AATF: variants seen among roughly 807,000 people sequenced by gnomAD.
The protein encoded by AATF is protein AATF.
A neutral mutation model predicts 63.7 loss-of-function variants in AATF; 48 were observed. The observed-to-expected ratio is 0.75, with a 90% CI of 0.60 to 0.96. The LOEUF (loss-of-function observed/expected upper bound fraction) is 0.96. Among genes scored for constraint, AATF ranks in the 40% least tolerant of loss-of-function variants. The pLI, the probability that AATF is intolerant of heterozygous loss-of-function variation, is 0.00. For synonymous variants in AATF, 258 were observed against 247.7 expected, an observed-to-expected ratio of 1.04 and a Z score of -0.39; for missense variants, 639 against 685.7, an observed-to-expected ratio of 0.93 and a Z score of 0.76.
intron 11 of AATF, among the ~76,000 whole-genome samples, chr17:37,047,908 G>A (rs1004130904): frequency 2.0e-5 from 3 of 152,234 alleles, no homozygotes; most frequent in Admixed American, 6.5e-5. Flanking sequence ...TGTCGGATTG[G>A]ACATGATTTG....
At chr17:36,951,890 A>T (rs542898701) in intron 2 of AATF, among the ~76,000 whole-genome samples, 1 of 152,350 alleles carries the variant, frequency 6.6e-6, no homozygotes, top group South Asian at 2.1e-4. Flanking sequence ...TATTGAAGAA[A>T]GTTTTTGGAA....
chr17:36,979,612 G>C (rs144181332), intron 4 of AATF, among the ~76,000 whole-genome samples: 4 of 152,220 alleles, frequency 2.6e-5, no homozygotes, highest in African/African-American at 4.8e-5. Context: ...GAGTTTATGT[G>C]TACTTGTACA....
At chr17:36,953,374 C>A in intron 3 of AATF, 78 bp downstream of exon 3, 2 of 1,551,946 alleles carry the variant, frequency 1.3e-6, no homozygotes, top group Non-Finnish European at 1.7e-6. Flanking sequence ...TTGTTTTTGG[C>A]TATTCTCTAT....
chr17:36,967,818 T>C (rs1205680998), intron 4 of AATF, among the ~76,000 whole-genome samples: 1 of 152,086 alleles, frequency 6.6e-6, no homozygotes, highest in Non-Finnish European at 1.5e-5. Context: ...GCTTCTAAAG[T>C]TGCAATTGGT....
intron 8 of AATF, among the ~76,000 whole-genome samples, chr17:37,017,938 A>C (rs1019369668): frequency 6.6e-6 from 1 of 152,218 alleles, no homozygotes; most frequent in Non-Finnish European, 1.5e-5. Context: ...TTGATGAAAT[A>C]TCTCTATTGC....
chr17:36,963,229 G>T (rs2070963051), intron 4 of AATF, among the ~76,000 whole-genome samples: 1 of 152,192 alleles, frequency 6.6e-6, no homozygotes, highest in South Asian at 2.1e-4. Flanking sequence ...ATGGCAGGTG[G>T]ATTCTTTTAT....
intron 8 of AATF, among the ~76,000 whole-genome samples, chr17:36,999,436 T>C (rs2071277999): frequency 1.3e-5 from 2 of 152,196 alleles, no homozygotes; most frequent in Non-Finnish European, 2.9e-5. Flanking sequence ...ATGGTTCAGC[T>C]CCTCAGTCAC....
At chr17:37,020,274 A>G (rs2071459125) in intron 9 of AATF, among the ~76,000 whole-genome samples, 1 of 152,156 alleles carries the variant, frequency 6.6e-6, no homozygotes, top group Non-Finnish European at 1.5e-5. Flanking sequence ...AATATTTGAT[A>G]ATAAAGAATT....
At chr17:36,952,862 C>G in intron 2 of AATF, 24 bp from the exon 3 acceptor site, 1 of 1,596,452 alleles carries the variant, frequency 6.3e-7, no homozygotes, top group Non-Finnish European at 8.5e-7. Flanking sequence ...CCATTTTTCT[C>G]TTTCTTCCCT....
intron 4 of AATF, among the ~76,000 whole-genome samples, chr17:36,984,600 A>G (rs2071152429): frequency 6.6e-6 from 1 of 152,176 alleles, no homozygotes. Flanking sequence ...CTAATAGAGA[A>G]GGTAAGAATT....
chr17:37,024,457 T>C (rs988431964), intron 10 of AATF, among the ~76,000 whole-genome samples: 1 of 152,238 alleles, frequency 6.6e-6, no homozygotes, highest in African/African-American at 2.4e-5. Context: ...CCTGTTCTTT[T>C]AACCTCTGGC....
At chr17:37,004,003 G>T (rs540646810) in intron 8 of AATF, among the ~76,000 whole-genome samples, 2 of 152,070 alleles carry the variant, frequency 1.3e-5, no homozygotes, top group Admixed American at 6.5e-5. Context: ...TGCTCAGGAG[G>T]TCGAGGCAGG....
chr17:37,035,580 C>G (rs1206530338), intron 11 of AATF, among the ~76,000 whole-genome samples: 1 of 147,928 alleles, frequency 6.8e-6, no homozygotes, highest in East Asian at 2.0e-4. Flanking sequence ...GCTCTGTTGC[C>G]CAGGCAAGAG....
intron 4 of AATF, 119 bp downstream of exon 4, chr17:36,954,026 T>A (rs924573723): frequency 5.7e-6 from 6 of 1,051,318 alleles, no homozygotes; most frequent in Non-Finnish European, 4.1e-6. Flanking sequence ...TCATCTGCCC[T>A]TGCTCTCCCC....
chr17:36,961,519 T>C (rs890304555), intron 4 of AATF, among the ~76,000 whole-genome samples: 3 of 152,198 alleles, frequency 2.0e-5, no homozygotes, highest in Admixed American at 6.5e-5. Context: ...GTCTTTGAAA[T>C]CCAGAGTATA....
At position 36,990,714 on chromosome 17, in the gene AATF, G is replaced by A. The variant is rs1488612802; in HGVS notation, c.1315-60G>A. On this transcript the variant is annotated intron_variant, in intron 7 of 11. Coordinates refer to ENST00000619387, the MANE Select transcript of AATF (RefSeq NM_012138.4). ...ACTGTTCTACATATTATTTATAGTA[G>A]CTACATTAGTTAGATAGCCTTGTTG... The A allele has an allele frequency of 4.1e-6, 4 of 983,340 alleles. No homozygotes were observed. In the Admixed American group the frequency reaches 7.3e-5, roughly 18 times the overall value. 60.9% of individuals were successfully genotyped at this position (983,340 alleles called of 1,614,324 possible). A position where few individuals can be genotyped will look rare whatever the true frequency, so the allele number is the denominator to read the frequency against.
chr17:36,976,040 C>T (rs1297703995), intron 4 of AATF, among the ~76,000 whole-genome samples: 1 of 152,126 alleles, frequency 6.6e-6, no homozygotes, highest in Admixed American at 6.6e-5. Flanking sequence ...TTAGTGTCTC[C>T]ACTGTTTTTT....
In AATF at chr17:36,990,675, A is replaced by T. The variant is rs370340501; in HGVS notation, c.1315-99A>T. Reference sequence around the variant, plus strand: ...TTTAAGAACTTTTTATATCTTAAGGAAAACAGTGCTTTGACTGTTCTACAT... The same window carrying T: ...TTTAAGAACTTTTTATATCTTAAGGTAAACAGTGCTTTGACTGTTCTACAT... On this transcript the variant is annotated intron_variant, in intron 7 of 11. Transcript: ENST00000619387. 11 of 769,810 alleles carry T rather than the reference A, an allele frequency of 1.4e-5. No homozygotes were observed. The East Asian group carries it at 1.5e-4, about 10-fold the overall frequency. The allele number at this position is 769,810 out of a possible 1,614,324, so 47.7% of individuals were successfully genotyped here.
intron 10 of AATF, among the ~76,000 whole-genome samples, chr17:37,027,616 GA>G (rs1332746455): frequency 6.6e-6 from 1 of 151,990 alleles, no homozygotes; most frequent in Admixed American, 6.6e-5. Context: ...AGAAAAAGAT[GA>G]ACTTAATTTT....
Sources: allele counts gnomAD v4.1 joint callset (sites outside exome capture counted in the v4.1 genomes callset), GRCh38; gene constraint gnomAD v4.1.1; transcripts MANE v1.5; gene names NCBI Gene and HGNC (gene_info 2026-07-23, HGNC 2026-07-21).